The following SEMA3B variants were observed in gnomAD, a reference collection of about 807,000 sequenced individuals.
SEMA3B encodes the protein semaphorin 3B.
In SEMA3B, 71 loss-of-function variants were observed where a neutral mutation model predicts 77.8. That is an observed-to-expected ratio of 0.91 (90% CI 0.75 to 1.11). SEMA3B has a LOEUF of 1.11. Ranked by LOEUF, SEMA3B falls within the 50% of genes most tolerant of loss-of-function variation. The pLI is 0.00. For synonymous variants in SEMA3B, 470 were observed against 452.9 expected, an observed-to-expected ratio of 1.04 and a Z score of -0.48; for missense variants, 968 against 1,056.8, an observed-to-expected ratio of 0.92 and a Z score of 1.17.
upstream of SEMA3B, among the ~76,000 whole-genome samples, chr3:50,268,061 G>A (rs1244600225): frequency 6.6e-6 from 1 of 152,180 alleles, no homozygotes; most frequent in Non-Finnish European, 1.5e-5. Flanking sequence ...AAGAACTCAA[G>A]GGGTGAGAGA....
At chr3:50,272,496 A>G (rs1201134086) in intron 6 of SEMA3B, among the ~76,000 whole-genome samples, 1 of 152,148 alleles carries the variant, frequency 6.6e-6, no homozygotes, top group African/African-American at 2.4e-5. Context: ...GGATCACCTG[A>G]GTTCAGGCAT....
intron 6 of SEMA3B, among the ~76,000 whole-genome samples, chr3:50,272,855 AAAT>A (rs55666696): frequency 7.3e-4 from 107 of 145,582 alleles, no homozygotes; most frequent in Non-Finnish European, 1.1e-3. Context: ...ATAAATAAAC[AAAT>A]AATAATAATA....
rs373438868 is a variant in SEMA3B, at chr3:50,271,461, C to G, written c.645C>G (p.His215Gln). ...GQRPSLRTEP[H>Q]DSRWLNEPKF... ...GTCCAAGTCTCCGAACAGAGCCACA[C>G]GACTCCCGCTGGCTCAATGGTGAGA... is the stretch of plus-strand genomic sequence containing the variant. Residue 215 changes from histidine to glutamine, a missense_variant, in exon 6 of 17, where the codon CAC becomes CAG. By Grantham distance (24) the His-to-Gln change is conservative. Coordinates refer to ENST00000616701, the MANE Select transcript of SEMA3B (RefSeq NM_001290060.2). 1.3e-6 allele frequency: 2 copies of G among 1,570,414 alleles called. No homozygotes were observed. Among genetic ancestry groups the G allele is most frequent in the Non-Finnish European group, 1.7e-6 (2 of 1,157,962 alleles).
chr3:50,266,082 G>A (rs1448556765), upstream of SEMA3B, among the ~76,000 whole-genome samples: 10 of 152,144 alleles, frequency 6.6e-5, no homozygotes, highest in Admixed American at 6.5e-4. Flanking sequence ...AAGGTGCGGG[G>A]TGATGAAACA....
rs1701110526 is a variant in SEMA3B at position 50,273,312 on chromosome 3, A to G, written c.679A>G (p.Lys227Glu). The stretch of plus-strand genomic sequence containing the variant: ...GCCGCGGTCAGAGCCCAAGTTTGTC[A>G]AGGTATTTTGGATCCCGGAGAGCGA... ...SRWLNEPKFVKVFWIPESENP... is the reference protein window; with the variant it reads ...SRWLNEPKFVEVFWIPESENP... The change falls in exon 7 of 17, where the codon AAG becomes GAG. Residue 227 changes from lysine to glutamate, a missense_variant. Physicochemically the swap from Lys to Glu is moderately conservative, Grantham distance 56. Coordinates refer to ENST00000616701, the MANE Select transcript of SEMA3B (RefSeq NM_001290060.2). The surrounding 1 kb of genome is among the most constrained non-coding windows in gnomAD (Gnocchi z 6.5). 6.2e-7 allele frequency: 1 copy of G among 1,613,826 alleles called. No individual in the cohort carries two copies. Among genetic ancestry groups the G allele is most frequent in the Non-Finnish European group, 8.5e-7 (1 of 1,179,778 alleles).
At position 50,275,971 on chromosome 3, in the gene SEMA3B, C is replaced by T. The variant is rs1263167987; in HGVS notation, c.1845+127C>T. Reference sequence around the variant, plus strand: ...CCCCGCCCTGTCCAGTTTGGTCCCTCACCTGCACTCCACAAGCTGCTGAGG... The same window carrying T: ...CCCCGCCCTGTCCAGTTTGGTCCCTTACCTGCACTCCACAAGCTGCTGAGG... On this transcript the variant is annotated intron_variant, in intron 16 of 16. Transcript: ENST00000616701. This position sits in a 1 kb window ranked among gnomAD's most constrained non-coding sequence, Gnocchi z 7.5. The T allele has an allele frequency of 4.8e-6, 6 of 1,251,832 alleles. No homozygotes were observed. In the African/African-American group the frequency reaches 6.0e-5, roughly 13 times the overall value. 77.5% of individuals were successfully genotyped at this position (1,251,832 alleles called of 1,614,324 possible). A position where few individuals can be genotyped will look rare whatever the true frequency, so the allele number is the denominator to read the frequency against.
Position 50,276,497 on chromosome 3 carries a change from G to C in SEMA3B, c.2041G>C (p.Ala681Pro). 1 of 1,531,308 alleles carries C rather than the reference G, an allele frequency of 6.5e-7. No homozygotes were observed. The highest frequency in any genetic ancestry group is 8.7e-7 in the Non-Finnish European group (1 of 1,143,770). The allele number at this position is 1,531,308 out of a possible 1,614,324, so 94.9% of individuals were successfully genotyped here. ...GCGGGCCGAGGAGGCTGCGCCCGCC[G>C]CGCCGCCGGGCCCCAAACTCTGGTA... ...LARAEEAAPA[A>P]PPGPKLWYRD... Residue 681 changes from alanine to proline, a missense_variant, in exon 17 of 17, where the codon GCG becomes CCG. By Grantham distance (27) the Ala-to-Pro change is conservative. Coordinates refer to ENST00000616701, the MANE Select transcript of SEMA3B (RefSeq NM_001290060.2). This position sits in a 1 kb window ranked among gnomAD's most constrained non-coding sequence, Gnocchi z 5.8.
In SEMA3B at chr3:50,275,529, G is replaced by A. The variant is rs1553706421; in HGVS notation, c.1650-31G>A. On this transcript the variant is annotated intron_variant, in intron 14 of 16. Transcript: ENST00000616701. The surrounding 1 kb of genome is among the most constrained non-coding windows in gnomAD (Gnocchi z 7.5). The stretch of plus-strand genomic sequence containing the variant: ...CTTTCACTGCCCGGGGCTGAAAGAA[G>A]GGCTCACAGAAGATCGGATGTTCCC... The A allele has an allele frequency of 3.1e-6, 5 of 1,613,568 alleles. No individual in the cohort carries two copies. In the South Asian group the frequency reaches 5.5e-5, roughly 18 times the overall value.
intron 6 of SEMA3B, among the ~76,000 whole-genome samples, chr3:50,272,522 C>T (rs1701079507): frequency 6.6e-6 from 1 of 151,988 alleles, no homozygotes; most frequent in African/African-American, 2.4e-5. Flanking sequence ...ACCAGCCTGG[C>T]CAACATGGTG....
rs1332366031 is a variant in SEMA3B, at chr3:50,274,583, G to A, written c.1357+1G>A. 3.9e-6 allele frequency: 6 copies of A among 1,527,284 alleles called. No individual in the cohort carries two copies. Among genetic ancestry groups the A allele is most frequent in the Non-Finnish European group, 5.3e-6 (6 of 1,137,354 alleles). 94.6% of individuals were successfully genotyped at this position (1,527,284 alleles called of 1,614,324 possible). On this transcript the variant is annotated splice_donor_variant, in intron 11 of 16. Transcript: ENST00000616701. LOFTEE classifies it high-confidence loss of function. This position sits in a 1 kb window ranked among gnomAD's most constrained non-coding sequence, Gnocchi z 4.7. Reference sequence around the variant, plus strand: ...TATGACGTCCTCTTCATTGGCACAGGTCAGGGTCCCTCCACAGCGACCCCC... The same window carrying A: ...TATGACGTCCTCTTCATTGGCACAGATCAGGGTCCCTCCACAGCGACCCCC...
Position 50,275,626 on chromosome 3 carries a change from C to T in SEMA3B, c.1705+11C>T, listed in dbSNP as rs1439110149. On this transcript the variant is annotated intron_variant, in intron 15 of 16. Transcript: ENST00000616701. This position sits in a 1 kb window ranked among gnomAD's most constrained non-coding sequence, Gnocchi z 7.5. ...CGTTGTGCTCCGGAGGTGAGTGCCC[C>T]AGCTGCCCCTACCCTCAGCCCCAGA... is the stretch of plus-strand genomic sequence containing the variant. 1 of 1,613,602 alleles carries T rather than the reference C, an allele frequency of 6.2e-7. No individual in the cohort carries two copies. Among genetic ancestry groups the T allele is most frequent in the African/African-American group, 1.3e-5 (1 of 74,954 alleles).
rs1330906654 is a variant in SEMA3B at position 50,276,591 on chromosome 3, C to A, written c.2135C>A (p.Pro712Gln). Residue 712 changes from proline to glutamine, a missense_variant, in exon 17 of 17, where the codon CCG becomes CAG. Physicochemically the swap from Pro to Gln is moderately conservative, Grantham distance 76 (BLOSUM62 -1). Coordinates refer to ENST00000616701, the MANE Select transcript of SEMA3B (RefSeq NM_001290060.2). This position sits in a 1 kb window ranked among gnomAD's most constrained non-coding sequence, Gnocchi z 5.8. ...GCGAACTCCCTGCGCATGTGCCGCC[C>A]GCAGCCTGCGCTGCAGTCACTGCCC... ...GSANSLRMCR[P>Q]QPALQSLPLE... The A allele has an allele frequency of 6.4e-7, 1 of 1,568,878 alleles. No individual in the cohort carries two copies. The highest frequency in any genetic ancestry group is 1.2e-5 in the South Asian group (1 of 86,030).
At chr3:50,265,241 T>C (rs1553704313), upstream of SEMA3B, among the ~76,000 whole-genome samples, 1 of 152,178 alleles carries the variant, frequency 6.6e-6, no homozygotes, top group East Asian at 1.9e-4. Flanking sequence ...GCCTAAGTCC[T>C]CTGGGCAGCA....
At chr3:50,265,419 C>T (rs587712983), upstream of SEMA3B, among the ~76,000 whole-genome samples, 1 of 152,296 alleles carries the variant, frequency 6.6e-6, no homozygotes, top group East Asian at 1.9e-4. Context: ...CCCAACCACA[C>T]CACCCGGAGT....
chr3:50,274,778 C>T lies in SEMA3B; in HGVS notation c.1358-65C>T. The T allele has an allele frequency of 1.3e-6, 2 of 1,550,528 alleles. No individual in the cohort carries two copies. Among genetic ancestry groups the T allele is most frequent in the East Asian group, 4.6e-5 (2 of 43,580 alleles). On this transcript the variant is annotated intron_variant, in intron 11 of 16. Coordinates refer to ENST00000616701, the MANE Select transcript of SEMA3B (RefSeq NM_001290060.2). The surrounding 1 kb of genome is among the most constrained non-coding windows in gnomAD (Gnocchi z 4.7). ...ATGCTGAGGGTAGACGCCTCAAAGGCGAGGAGACACTAGCCCCAGCTGTCC... is the reference window on the plus strand; with the variant it reads ...ATGCTGAGGGTAGACGCCTCAAAGGTGAGGAGACACTAGCCCCAGCTGTCC...
At position 50,270,363 on chromosome 3, in the gene SEMA3B, A is replaced by G; in HGVS notation, c.268-70A>G. ...ACTCCAGCCTGGAGAGACCCAGAGG[A>G]ATGGCTCCCTGAGGTAGAGAATATC... is the stretch of plus-strand genomic sequence containing the variant. On this transcript the variant is annotated intron_variant, in intron 2 of 16. Coordinates refer to ENST00000616701, the MANE Select transcript of SEMA3B (RefSeq NM_001290060.2). This position sits in a 1 kb window ranked among gnomAD's most constrained non-coding sequence, Gnocchi z 4.7. 6.2e-7 allele frequency: 1 copy of G among 1,609,870 alleles called. No individual in the cohort carries two copies. Among genetic ancestry groups the G allele is most frequent in the Non-Finnish European group, 8.5e-7 (1 of 1,176,646 alleles).
chr3:50,268,563 CAT>C (rs1700960855), upstream of SEMA3B, among the ~76,000 whole-genome samples: 1 of 152,232 alleles, frequency 6.6e-6, no homozygotes, highest in Non-Finnish European at 1.5e-5. Flanking sequence ...TGTGCACACA[CAT>C]GCACATACAC....
At position 50,269,816 on chromosome 3, in the gene SEMA3B, G is replaced by C. The variant is rs1575466420; in HGVS notation, c.110-311G>C. 6.6e-6 allele frequency among the ~76,000 whole-genome samples: 1 copy of C among 152,162 alleles called. No individual in the cohort carries two copies. Among genetic ancestry groups the C allele is most frequent in the Non-Finnish European group, 1.5e-5 (1 of 68,020 alleles). Reference sequence around the variant, plus strand: ...GGGTTCTGGCCATCCCTGCATGCCAGTCTCCCCCAGGACTCTGGTGTCCAT... The same window carrying C: ...GGGTTCTGGCCATCCCTGCATGCCACTCTCCCCCAGGACTCTGGTGTCCAT... On this transcript the variant is annotated intron_variant, in intron 1 of 16. Transcript: ENST00000616701. The surrounding 1 kb of genome is among the most constrained non-coding windows in gnomAD (Gnocchi z 4.0).
chr3:50,265,030 A>G (rs782261286), upstream of SEMA3B, among the ~76,000 whole-genome samples: 6 of 152,144 alleles, frequency 3.9e-5, no homozygotes, highest in Non-Finnish European at 8.8e-5. Context: ...TCAGAAGGGA[A>G]GGGGAACAGG....
Sources: allele counts gnomAD v4.1 joint callset (sites outside exome capture counted in the v4.1 genomes callset), GRCh38; gene constraint gnomAD v4.1.1; non-coding constraint Gnocchi (gnomAD v3.1); transcripts MANE v1.5; gene names NCBI Gene and HGNC (gene_info 2026-07-23, HGNC 2026-07-21).